EPC1: variants seen among roughly 807,000 people sequenced by gnomAD.
EPC1 encodes enhancer of polycomb homolog 1.
Under a neutral mutation model 98.4 loss-of-function variants are expected in EPC1, and 12 were observed. That is an observed-to-expected ratio of 0.12 (90% confidence interval 0.08 to 0.20). EPC1 has a LOEUF of 0.20. Among genes scored for constraint, EPC1 ranks in the 10% least tolerant of loss-of-function variants. The pLI, the probability that EPC1 is intolerant of heterozygous loss-of-function variation, is 1.00. For synonymous variants in EPC1, 357 were observed against 363.9 expected, an observed-to-expected ratio of 0.98 and a Z score of 0.21; for missense variants, 729 against 990.5, an observed-to-expected ratio of 0.74 and a Z score of 3.54.
intron 1 of EPC1, among the ~76,000 whole-genome samples, chr10:32,306,857 A>AACACAC (rs3029539): frequency 2.1e-3 from 320 of 149,752 alleles, no homozygotes; most frequent in Middle Eastern, 3.4e-3. Context: ...ATTAAATTCA[A>AACACAC]ACACACACAC....
intron 13 of EPC1, chr10:32,269,348 T>C (rs1230360059): frequency 3.9e-5 from 17 of 439,880 alleles, no homozygotes; most frequent in Middle Eastern, 6.6e-4. Context: ...TCAACTACAT[T>C]ACCATCAAAA....
chr10:32,324,381 C>A (rs1837131406), intron 1 of EPC1, among the ~76,000 whole-genome samples: 1 of 151,156 alleles, frequency 6.6e-6, no homozygotes, highest in Admixed American at 6.6e-5. Flanking sequence ...CGTAGTGAAA[C>A]CCGTCTCTGC....
intron 2 of EPC1, among the ~76,000 whole-genome samples, chr10:32,298,300 G>A (rs1435839389): frequency 2.0e-5 from 3 of 152,170 alleles, no homozygotes; most frequent in African/African-American, 7.2e-5. Context: ...TGTGCATTCG[G>A]TGAGTATGTC....
Position 32,319,648 on chromosome 10 carries a change from C to A in EPC1, c.154-13717G>T, listed in dbSNP as rs117781135. 5.3e-3 allele frequency among the ~76,000 whole-genome samples: 812 copies of A among 152,248 alleles called. 7 individuals carry two copies. Among genetic ancestry groups the A allele is most frequent in the Non-Finnish European group, 8.0e-3 (542 of 68,008 alleles). On this transcript the variant is annotated intron_variant, in intron 1 of 13. Transcript: ENST00000319778. ...CTGTATTCTTCAAAAATGTCTACGT[C>A]ATAAAAGATGAAAACATCTATGAAA...
rs575790297 is a variant in EPC1, at chr10:32,314,722, C to A, written c.154-8791G>T. ...AGGCCATATCACTAATGTTAAGAAG[C>A]CAGAAATATTTTTTATTAAATAAGA... On this transcript the variant is annotated intron_variant, in intron 1 of 13. Coordinates refer to ENST00000319778, the MANE Select transcript of EPC1 (RefSeq NM_001272004.3). Among the ~76,000 whole-genome samples, 6 of 152,148 alleles carry A rather than the reference C, an allele frequency of 3.9e-5. No homozygotes were observed. The East Asian group carries it at 7.7e-4, about 20-fold the overall frequency.
chr10:32,328,162 A>G (rs2031789), intron 1 of EPC1, among the ~76,000 whole-genome samples: 138,660 of 152,188 alleles, frequency 0.91, 64,592 homozygotes, highest in East Asian at 1. Context: ...CAAGAGTATG[A>G]GCATCATATT....
Position 32,271,803 on chromosome 10 carries a change from C to G in EPC1, c.2120G>C (p.Ser707Thr). 3.1e-6 allele frequency: 5 copies of G among 1,614,156 alleles called. No homozygotes were observed. The highest frequency in any genetic ancestry group is 4.2e-6 in the Non-Finnish European group (5 of 1,180,028). The change falls in exon 13 of 14, where the codon AGT (serine) becomes ACT (threonine). Residue 707 changes from serine to threonine, a missense_variant. This residue lies in a region of EPC1 where 156 missense variants were observed against 188.9 expected (regional missense o/e 0.83). Coordinates refer to ENST00000319778, the MANE Select transcript of EPC1 (RefSeq NM_001272004.3). ...LQPSNITQTS[S>T]SHSALSHQVT... is the part of the protein sequence containing the mutation. ...TTGATGACTCAGTGCACTGTGGGAA[C>G]TTGAAGTCTGTGTAATATTTGAAGG...
At position 32,293,126 on chromosome 10, in the gene EPC1, T is replaced by G; in HGVS notation, c.528A>C (p.Glu176Asp). The change falls in exon 4 of 14, where the codon GAA becomes GAC. Residue 176 changes from glutamate (E) to aspartate (D), a missense_variant. Glu to Asp is a conservative substitution (Grantham distance 45). Around this residue, in one of 6 missense-constraint regions of EPC1, gnomAD observed 94 missense variants for 125.1 expected, o/e 0.75. Coordinates refer to ENST00000319778, the MANE Select transcript of EPC1 (RefSeq NM_001272004.3). The stretch of plus-strand genomic sequence containing the variant: ...AGTTTTTTCTCTTTTTAATCCAATA[T>G]TCATAAACTTCTCTAATTAGTTCAT... ...EDDELIREVY[E>D]YWIKKRKNCR... 6.2e-7 allele frequency: 1 copy of G among 1,613,538 alleles called. No homozygotes were observed. Among genetic ancestry groups the G allele is most frequent in the Non-Finnish European group, 8.5e-7 (1 of 1,179,650 alleles).
chr10:32,307,077 C>A (rs987498510), intron 1 of EPC1, among the ~76,000 whole-genome samples: 1 of 152,040 alleles, frequency 6.6e-6, no homozygotes, highest in Non-Finnish European at 1.5e-5. Context: ...AGAACTTTAT[C>A]CCTAGCTTTG....
intron 1 of EPC1, among the ~76,000 whole-genome samples, chr10:32,358,656 G>T (rs536627561): frequency 6.7e-6 from 1 of 148,538 alleles, no homozygotes; most frequent in South Asian, 2.2e-4. Flanking sequence ...AAGCGGGGGC[G>T]GGGGGGGAAG....
chr10:32,304,106 G>GA, intron 2 of EPC1, among the ~76,000 whole-genome samples: 1 of 152,112 alleles, frequency 6.6e-6, no homozygotes, highest in Non-Finnish European at 1.5e-5. Context: ...TGATTATAAT[G>GA]TCAGGAGTCA....
At chr10:32,325,058 C>T (rs183592971) in intron 1 of EPC1, among the ~76,000 whole-genome samples, 2 of 152,220 alleles carry the variant, frequency 1.3e-5, no homozygotes, top group Admixed American at 1.3e-4. Context: ...TTTTTAGCTG[C>T]AGACTGTCAC....
rs767553561 is a variant in EPC1, at chr10:32,284,939, T to C, written c.1503A>G (p.Ser501=). Residue 501 remains serine (S), a synonymous_variant, in exon 10 of 14, where the codon TCA becomes TCG. Coordinates refer to ENST00000319778, the MANE Select transcript of EPC1 (RefSeq NM_001272004.3). ...AAGATTTGTCCGAGGTATTTGTTTC[T>C]GAGGTATTGGCAAACTGATTGACTG... ...HSPVNQFANT[S]ETNTSDKSFS... is the part of the protein sequence containing the mutation. 6.2e-6 allele frequency: 10 copies of C among 1,614,192 alleles called. No individual in the cohort carries two copies. Among genetic ancestry groups the C allele is most frequent in the Middle Eastern group, 1.6e-4 (1 of 6,062 alleles).
At chr10:32,364,618 C>T (rs1839543730) in intron 1 of EPC1, among the ~76,000 whole-genome samples, 1 of 152,112 alleles carries the variant, frequency 6.6e-6, no homozygotes, top group South Asian at 2.1e-4. Flanking sequence ...TCTTTCAACT[C>T]TCAAATTTTA....
intron 1 of EPC1, among the ~76,000 whole-genome samples, chr10:32,343,697 G>GGT (rs66666913): frequency 1.3e-5 from 2 of 151,112 alleles, no homozygotes; most frequent in African/African-American, 2.4e-5. Context: ...ATTATTTTGG[G>GGT]GGGGGGGTGT....
At position 32,286,753 on chromosome 10, in the gene EPC1, A is replaced by G. The variant is rs1836703177; in HGVS notation, c.1332T>C (p.Thr444=). ...GDVRYRYCLT[T]LTVPQRCIGF... The stretch of plus-strand genomic sequence containing the variant: ...CAATACACCTTTGGGGTACGGTGAG[A>G]GTAGTTAAGCAGTATCTATATCGCA... The change falls in exon 9 of 14, where the codon ACT becomes ACC. Residue 444 remains threonine, a synonymous_variant. Transcript: ENST00000319778. The G allele has an allele frequency of 6.2e-7, 1 of 1,614,012 alleles. No individual in the cohort carries two copies. Among genetic ancestry groups the G allele is most frequent in the Non-Finnish European group, 8.5e-7 (1 of 1,180,026 alleles).
At chr10:32,270,998 CTTT>C (rs56373530) in intron 13 of EPC1, among the ~76,000 whole-genome samples, 14 of 140,762 alleles carry the variant, frequency 9.9e-5, no homozygotes, top group Non-Finnish European at 9.2e-5. Context: ...GCATTATACG[CTTT>C]TTTTTTTTTT....
chr10:32,322,576 C>T (rs1365669008), intron 1 of EPC1, among the ~76,000 whole-genome samples: 4 of 152,052 alleles, frequency 2.6e-5, no homozygotes, highest in Admixed American at 6.6e-5. Flanking sequence ...GGTTTCTTGC[C>T]AGTCAATGTA....
At chr10:32,305,219 C>A (rs1743375516) in intron 2 of EPC1, among the ~76,000 whole-genome samples, 2 of 152,222 alleles carry the variant, frequency 1.3e-5, no homozygotes, top group Non-Finnish European at 2.9e-5. Context: ...TTGGGGTTGG[C>A]AAGCTATGGC....
Sources: allele counts gnomAD v4.1 joint callset (sites outside exome capture counted in the v4.1 genomes callset), GRCh38; gene constraint gnomAD v4.1.1; regional missense constraint gnomAD v4.1.1; transcripts MANE v1.5; gene names NCBI Gene and HGNC (gene_info 2026-07-23, HGNC 2026-07-21).